SFMBT2: variants seen among roughly 807,000 people sequenced by gnomAD.
SFMBT2 encodes scm-like with four MBT domains protein 2.
Under a neutral mutation model 110.1 loss-of-function variants are expected in SFMBT2, and 38 were observed. The observed-to-expected ratio is 0.35, with a 90% CI of 0.27 to 0.45. The LOEUF (loss-of-function observed/expected upper bound fraction) is 0.45, where lower values mean the gene tolerates loss of function less well. SFMBT2 is among the 20% of genes least tolerant of loss of function. SFMBT2 has a pLI of 1.00. For synonymous variants in SFMBT2, 425 were observed against 425.4 expected, an observed-to-expected ratio of 1.00 and a Z score of 0.01; for missense variants, 1,011 against 1,094.9, an observed-to-expected ratio of 0.92 and a Z score of 1.08.
rs1564472917 is a variant in SFMBT2, at chr10:7,393,000, TA to T, written c.-51-11052del. Among the ~76,000 whole-genome samples, 9 of 67,842 alleles carry T rather than the reference TA, an allele frequency of 1.3e-4. 1 individual carries two copies. The highest frequency in any genetic ancestry group is 9.9e-4 in the African/African-American group (9 of 9,090). 44.5% of individuals were successfully genotyped at this position (67,842 alleles called of 152,430 possible). On this transcript the variant is annotated intron_variant, in intron 1 of 20. Coordinates refer to ENST00000397167, the MANE Select transcript of SFMBT2 (RefSeq NM_001387889.1). ...TGGATAGATTATATATATATATATA[TA>T]TATATATATATATATATATATATAT...
chr10:7,332,100 G>A (rs747627035), intron 4 of SFMBT2, among the ~76,000 whole-genome samples: 5 of 152,052 alleles, frequency 3.3e-5, no homozygotes, highest in South Asian at 2.1e-4. Flanking sequence ...AGTCATCTGC[G>A]GAGTGATGGT....
At chr10:7,258,001 G>A (rs1250048686) in intron 7 of SFMBT2, among the ~76,000 whole-genome samples, 2 of 152,172 alleles carry the variant, frequency 1.3e-5, no homozygotes, top group East Asian at 1.9e-4. Flanking sequence ...ATGCAATCAA[G>A]GCTTGCTGCA....
intron 4 of SFMBT2, among the ~76,000 whole-genome samples, chr10:7,319,390 G>T (rs1843105862): frequency 1.3e-5 from 2 of 152,120 alleles, no homozygotes; most frequent in Admixed American, 1.3e-4. Context: ...GCAAACACAA[G>T]GTCCCTGAGA....
chr10:7,215,633 G>C, intron 11 of SFMBT2: 1 of 985,342 alleles, frequency 1.0e-6, no homozygotes, highest in Non-Finnish European at 1.2e-6. Context: ...ATCCATGGAG[G>C]CAGGGCCCCG....
intron 4 of SFMBT2, among the ~76,000 whole-genome samples, chr10:7,359,744 T>C (rs1187669875): frequency 1.3e-5 from 2 of 152,142 alleles, no homozygotes; most frequent in South Asian, 2.1e-4. Flanking sequence ...AAAAGACAAA[T>C]TGGAAAATAT....
chr10:7,163,677 AT>A lies in SFMBT2; in HGVS notation c.*92del, dbSNP rs1837613212. The A allele has an allele frequency of 1.7e-6, 2 of 1,176,344 alleles. No homozygotes were observed. The highest frequency in any genetic ancestry group is 2.5e-6 in the Non-Finnish European group (2 of 812,310). The allele number at this position is 1,176,344 out of a possible 1,614,324, so 72.9% of individuals were successfully genotyped here. A position where few individuals can be genotyped will look rare whatever the true frequency, so the allele number is the denominator to read the frequency against. ...TCTGGTGATACTTAGTGGCTGTACC[AT>A]TTAACATATCCCGGAAAATCAAAGT... On this transcript the variant is annotated 3_prime_UTR_variant, in exon 21 of 21. Coordinates refer to ENST00000397167, the MANE Select transcript of SFMBT2 (RefSeq NM_001387889.1). This position sits in a 1 kb window ranked among gnomAD's most constrained non-coding sequence, Gnocchi z 4.8.
At chr10:7,361,669 G>A (rs1285011292) in intron 4 of SFMBT2, among the ~76,000 whole-genome samples, 2 of 152,170 alleles carry the variant, frequency 1.3e-5, no homozygotes, top group Non-Finnish European at 2.9e-5. Flanking sequence ...AGACTGCAGA[G>A]TACGCAATTC....
chr10:7,321,595 TAAG>T lies in SFMBT2; in HGVS notation c.437-35644_437-35642del, dbSNP rs1313308029. Among the ~76,000 whole-genome samples the T allele has an allele frequency of 2.6e-5, 4 of 152,298 alleles. No homozygotes were observed. The East Asian group carries it at 7.7e-4, about 29-fold the overall frequency. On this transcript the variant is annotated intron_variant, in intron 4 of 20. Coordinates refer to ENST00000397167, the MANE Select transcript of SFMBT2 (RefSeq NM_001387889.1). ...ACAATGTAGGTACTCACCAAATCAT[TAAG>T]AAAACTGACACACTGATATGGTCTC...
At chr10:7,195,249 G>C (rs955656300) in intron 15 of SFMBT2, among the ~76,000 whole-genome samples, 3 of 152,168 alleles carry the variant, frequency 2.0e-5, no homozygotes, top group African/African-American at 7.2e-5. Context: ...TTTCTGTTTG[G>C]ATTGAGTTTA....
At chr10:7,376,326 G>A (rs796731089) in intron 2 of SFMBT2, among the ~76,000 whole-genome samples, 5 of 152,206 alleles carry the variant, frequency 3.3e-5, no homozygotes, top group African/African-American at 1.2e-4. Context: ...CATATTCAGT[G>A]TTCCTGGGAG....
intron 4 of SFMBT2, among the ~76,000 whole-genome samples, chr10:7,313,943 T>C (rs1047782255): frequency 1.3e-5 from 2 of 152,200 alleles, no homozygotes; most frequent in African/African-American, 2.4e-5. Flanking sequence ...TCTGCAGTTA[T>C]TTCTGGGAAG....
intron 9 of SFMBT2, among the ~76,000 whole-genome samples, chr10:7,233,313 C>A (rs1465622946): frequency 6.6e-6 from 1 of 152,068 alleles, no homozygotes; most frequent in Admixed American, 6.5e-5. Context: ...CAGGCTCCAG[C>A]GACTACTGGG....
chr10:7,187,021 T>C (rs946812127), intron 16 of SFMBT2, among the ~76,000 whole-genome samples: 1 of 152,354 alleles, frequency 6.6e-6, no homozygotes, highest in East Asian at 1.9e-4. Context: ...GGTTTCACCA[T>C]GTCTGTTTTG....
intron 16 of SFMBT2, among the ~76,000 whole-genome samples, chr10:7,187,584 C>G (rs1383929416): frequency 6.6e-6 from 1 of 152,168 alleles, no homozygotes; most frequent in Non-Finnish European, 1.5e-5. Flanking sequence ...TTTACTGAAT[C>G]TAAAACCCCA....
At chr10:7,230,247 C>T (rs1405339794) in intron 9 of SFMBT2, among the ~76,000 whole-genome samples, 1 of 152,236 alleles carries the variant, frequency 6.6e-6, no homozygotes, top group East Asian at 1.9e-4. Context: ...TTCTCCTGCC[C>T]TTCTCTCTAA....
rs397949347 is a variant in SFMBT2 at position 7,246,718 on chromosome 10, CAA to C, written c.972+1828_972+1829del. Among the ~76,000 whole-genome samples, 4 of 72,144 alleles carry C rather than the reference CAA, an allele frequency of 5.5e-5. No individual in the cohort carries two copies. The East Asian group carries it at 1.3e-3, about 24-fold the overall frequency. 47.3% of individuals were successfully genotyped at this position (72,144 alleles called of 152,430 possible). On this transcript the variant is annotated intron_variant, in intron 8 of 20. Coordinates refer to ENST00000397167, the MANE Select transcript of SFMBT2 (RefSeq NM_001387889.1). Reference sequence around the variant, plus strand: ...TGGGTGACGGAGCAAGACTCCATCTCAAAAAAAAAAAAAAAAAAAAAAGAATG... The same window carrying C: ...TGGGTGACGGAGCAAGACTCCATCTCAAAAAAAAAAAAAAAAAAAAGAATG...
intron 15 of SFMBT2, among the ~76,000 whole-genome samples, chr10:7,195,030 A>C (rs934162777): frequency 6.6e-6 from 1 of 152,222 alleles, no homozygotes; most frequent in African/African-American, 2.4e-5. Context: ...GCTTCGAAGA[A>C]GCCCATCAGC....
chr10:7,184,900 T>C (rs999032008), intron 16 of SFMBT2, among the ~76,000 whole-genome samples: 2 of 152,198 alleles, frequency 1.3e-5, no homozygotes, highest in Non-Finnish European at 2.9e-5. Context: ...AAAGCCTCTG[T>C]TCTCATCAGC....
At chr10:7,376,741 A>C (rs1331138163) in intron 2 of SFMBT2, among the ~76,000 whole-genome samples, 2 of 39,448 alleles carry the variant, frequency 5.1e-5, no homozygotes, top group African/African-American at 2.2e-4. Flanking sequence ...AAAAAAAAAA[A>C]AAAAAAAAAA....
Sources: gnomAD v4.1 joint callset for allele counts (sites outside exome capture counted in the v4.1 genomes callset) on GRCh38, gnomAD v4.1.1 for gene constraint, Gnocchi (gnomAD v3.1) non-coding constraint, MANE v1.5 for transcripts, NCBI Gene and HGNC (gene_info 2026-07-23, HGNC 2026-07-21) for gene names.